ISOC2: variants seen among roughly 807,000 people sequenced by gnomAD.
The protein encoded by ISOC2 is isochorismatase domain containing 2.
ISOC2 carries 15 observed loss-of-function variants against 19.3 expected under a neutral mutation model. The observed-to-expected ratio is 0.78, with a 90% CI of 0.52 to 1.20. The LOEUF is 1.20. Ranked by LOEUF, ISOC2 falls within the 50% of genes most tolerant of loss-of-function variation. ISOC2 has a pLI of 0.00. For missense variants in ISOC2, 285 were observed against 272.4 expected (o/e 1.05, Z -0.33); for synonymous variants, 106 against 115.8 (o/e 0.92, Z 0.54).
At chr19:55,456,097 A>AAGAG (rs1986050783) in intron 2 of ISOC2, 1 of 577,912 alleles carries the variant, frequency 1.7e-6, no homozygotes, top group African/African-American at 2.0e-5. Context: ...GGTCTGAAGG[A>AAGAG]AGAGGAGTTG....
At chr19:55,459,841 G>A (rs993346520) in intron 1 of ISOC2, 2 of 152,348 alleles carry the variant, frequency 1.3e-5, no homozygotes, top group Admixed American at 1.3e-4. Flanking sequence ...AAGGGCCCTG[G>A]AGTCTCTCTG....
intron 1 of ISOC2, among the ~76,000 whole-genome samples, chr19:55,458,817 G>A (rs945677305): frequency 5.9e-5 from 9 of 151,580 alleles, no homozygotes; most frequent in African/African-American, 1.9e-4. Context: ...GTGAGCCACC[G>A]CACCTGGCCT....
rs766648232 is a variant in ISOC2 at position 55,456,433 on chromosome 19, C to T, written c.54G>A (p.Leu18=). 1.8e-5 allele frequency: 29 copies of T among 1,613,680 alleles called. No homozygotes were observed. Among genetic ancestry groups the T allele is most frequent in the Non-Finnish European group, 2.0e-5 (24 of 1,179,858 alleles). ...ACTTCTCCTGCATGTCACACAGGAA[C>T]AGGACAGAGGATCCTGGGAGGACTC... ...LGRVLPGSSV[L]FLCDMQEKFR... The change falls in exon 2 of 6, where the codon CTG becomes CTA. Residue 18 remains leucine (L), a synonymous_variant. Transcript: ENST00000425675.
rs138056030 is a variant in ISOC2, at chr19:55,454,803, C to A, written c.537+186G>T. 2,258 of 617,024 alleles carry A rather than the reference C, an allele frequency of 3.7e-3. 12 individuals carry two copies. The highest frequency in any genetic ancestry group is 0.01 in the Middle Eastern group (29 of 2,800). 38.2% of individuals were successfully genotyped at this position (617,024 alleles called of 1,614,324 possible). A position where few individuals can be genotyped will look rare whatever the true frequency, so the allele number is the denominator to read the frequency against. On this transcript the variant is annotated intron_variant, in intron 5 of 5. Transcript: ENST00000425675. ...CCCCCATTTTATTGTTCTCTGTGGC[C>A]CTTATGGTCCATCTGTGGGCTCCTT...
chr19:55,455,521 G>T, intron 3 of ISOC2, 115 bp downstream of exon 3: 1 of 1,115,914 alleles, frequency 9.0e-7, no homozygotes, highest in Non-Finnish European at 1.3e-6. Flanking sequence ...GAGGGCCCAG[G>T]TCAGGATGGG....
In ISOC2 at chr19:55,453,236, G is replaced by A. The variant is rs1338820020; in HGVS notation, c.*72C>T. 3.5e-6 allele frequency: 4 copies of A among 1,130,198 alleles called. No individual in the cohort carries two copies. Among genetic ancestry groups the A allele is most frequent in the Admixed American group, 2.6e-5 (1 of 37,752 alleles). 70.0% of individuals were successfully genotyped at this position (1,130,198 alleles called of 1,614,324 possible). A position where few individuals can be genotyped will look rare whatever the true frequency, so the allele number is the denominator to read the frequency against. ...GATCGCACCACTCTTGGGATCCAGG[G>A]ATGGGGGGAACGGGCTTCCACTGAG... On this transcript the variant is annotated 3_prime_UTR_variant, in exon 6 of 6. Coordinates refer to ENST00000425675, the MANE Select transcript of ISOC2 (RefSeq NM_001136201.2).
intron 1 of ISOC2, chr19:55,459,583 T>A (rs949085085): frequency 1.3e-5 from 2 of 152,058 alleles, no homozygotes; most frequent in African/African-American, 4.8e-5. Context: ...ATTCTCTCTG[T>A]CCTCAGGACT....
chr19:55,454,784 T>A (rs1985988810), intron 5 of ISOC2: 1 of 506,948 alleles, frequency 2.0e-6, no homozygotes, highest in East Asian at 3.5e-5. Context: ...GCCTCCCCCA[T>A]TTTATTGTTC....
chr19:55,455,253 C>A lies in ISOC2; in HGVS notation c.419+7G>T. 1 of 1,606,794 alleles carries A rather than the reference C, an allele frequency of 6.2e-7. No homozygotes were observed. Among genetic ancestry groups the A allele is most frequent in the Non-Finnish European group, 8.5e-7 (1 of 1,176,004 alleles). On this transcript the variant is annotated splice_region_variant and intron_variant, in intron 4 of 5. Transcript: ENST00000425675. ...ACGTGCACCCACCCAGGCAGGGGCC[C>A]TCTCACCTGCGTGAGGAGCAGGCGT...
intron 3 of ISOC2, 88 bp downstream of exon 3, chr19:55,455,548 G>A: frequency 2.5e-6 from 3 of 1,209,270 alleles, no homozygotes; most frequent in Non-Finnish European, 3.5e-6. Context: ...GCAGGGAAGT[G>A]GAGGTTTCTG....
chr19:55,459,559 CCT>C (rs1330961143), intron 1 of ISOC2, among the ~76,000 whole-genome samples: 4 of 152,094 alleles, frequency 2.6e-5, no homozygotes, highest in Non-Finnish European at 5.9e-5. Flanking sequence ...CAAACTGTCC[CCT>C]GACCCCCGTG....
chr19:55,455,378 C>G (rs747145332), intron 3 of ISOC2, 48 bp from the exon 4 acceptor site: 5 of 1,608,538 alleles, frequency 3.1e-6, no homozygotes, highest in Non-Finnish European at 4.3e-6. Flanking sequence ...GAACGGGGGT[C>G]CTGGGTAAGG....
chr19:55,455,403 A>G, intron 3 of ISOC2, 73 bp from the exon 4 acceptor site: 1 of 1,578,406 alleles, frequency 6.3e-7, no homozygotes, highest in Non-Finnish European at 8.7e-7. Context: ...GGGGATGGTG[A>G]GTCAGAATTA....
At chr19:55,459,174 C>A (rs542969199) in intron 1 of ISOC2, among the ~76,000 whole-genome samples, 2 of 151,656 alleles carry the variant, frequency 1.3e-5, no homozygotes, top group Non-Finnish European at 2.9e-5. Context: ...TGGGTTCAAG[C>A]GAACCTCCCG....
At chr19:55,459,251 C>T (rs1212155406) in intron 1 of ISOC2, among the ~76,000 whole-genome samples, 2 of 152,172 alleles carry the variant, frequency 1.3e-5, no homozygotes, top group East Asian at 3.8e-4. Context: ...ATTCTTTGAA[C>T]ATAATCCATC....
chr19:55,455,966 G>A, intron 2 of ISOC2, 121 bp from the exon 3 acceptor site: 1 of 483,316 alleles, frequency 2.1e-6, no homozygotes, highest in Non-Finnish European at 3.1e-6. Context: ...GGAGGGGCTG[G>A]GGGTCTGGAC....
intron 1 of ISOC2, among the ~76,000 whole-genome samples, chr19:55,461,290 T>A (rs1465279252): frequency 6.6e-6 from 1 of 152,000 alleles, no homozygotes; most frequent in Non-Finnish European, 1.5e-5. Flanking sequence ...GTCGGAGAAA[T>A]GGGGATTAAA....
chr19:55,456,337 C>G lies in ISOC2; in HGVS notation c.138+12G>C, dbSNP rs865983226. On this transcript the variant is annotated intron_variant, in intron 2 of 5. Transcript: ENST00000425675. ...GGATCCTGGGTCTGAGGGTGGGGGGCTGAGGTCATACCTTGAGCATGCGGG... is the reference window on the plus strand; with the variant it reads ...GGATCCTGGGTCTGAGGGTGGGGGGGTGAGGTCATACCTTGAGCATGCGGG... The G allele has an allele frequency of 6.2e-7, 1 of 1,613,210 alleles. No homozygotes were observed.
chr19:55,455,466 G>T (rs1006934453), intron 3 of ISOC2, 136 bp from the exon 4 acceptor site: 13 of 1,250,392 alleles, frequency 1.0e-5, no homozygotes, highest in Non-Finnish European at 1.5e-5. Context: ...GGGCCCCCAG[G>T]TCAGGAGGGG....
Sources: allele counts gnomAD v4.1 joint callset (sites outside exome capture counted in the v4.1 genomes callset), GRCh38; gene constraint gnomAD v4.1.1; transcripts MANE v1.5; gene names NCBI Gene and HGNC (gene_info 2026-07-23, HGNC 2026-07-21).